The following TOX3 variants were observed in gnomAD, a reference collection of about 807,000 sequenced individuals.
TOX3 encodes the protein TOX high mobility group box family member 3.
A neutral mutation model predicts 64.3 loss-of-function variants in TOX3; 22 were observed. The observed-to-expected ratio is 0.34, with a 90% CI of 0.24 to 0.49. TOX3 has a LOEUF of 0.49. TOX3 is among the 20% of genes least tolerant of loss of function. The pLI, the probability that TOX3 is intolerant of heterozygous loss-of-function variation, is 0.99. For synonymous variants in TOX3, 291 were observed against 273.6 expected (o/e 1.06, Z -0.63); for missense variants, 661 against 714.4 (o/e 0.93, Z 0.85).
At chr16:52,541,369 C>T (rs1386284707) in intron 1 of TOX3, among the ~76,000 whole-genome samples, 1 of 152,126 alleles carries the variant, frequency 6.6e-6, no homozygotes, top group Non-Finnish European at 1.5e-5. Context: ...AATCTTCAAA[C>T]TTGAAGCCTT....
At chr16:52,500,781 T>C (rs981991348) in intron 1 of TOX3, among the ~76,000 whole-genome samples, 2 of 152,212 alleles carry the variant, frequency 1.3e-5, no homozygotes, top group Non-Finnish European at 2.9e-5. Flanking sequence ...TAAGACACCA[T>C]TGATTATAAG....
intron 1 of TOX3, among the ~76,000 whole-genome samples, chr16:52,543,705 T>C (rs1463146197): frequency 1.3e-5 from 2 of 152,206 alleles, no homozygotes; most frequent in Admixed American, 1.3e-4. Flanking sequence ...TCATGAATTA[T>C]TAACTGATTT....
intron 3 of TOX3, among the ~76,000 whole-genome samples, chr16:52,463,368 T>C (rs1050618322): frequency 5.3e-5 from 8 of 152,368 alleles, no homozygotes; most frequent in African/African-American, 1.7e-4. Context: ...CTTGGCTCTC[T>C]GGAGTGCCTT....
intron 2 of TOX3, among the ~76,000 whole-genome samples, chr16:52,467,538 C>G (rs1249252597): frequency 6.6e-6 from 1 of 152,104 alleles, no homozygotes; most frequent in African/African-American, 2.4e-5. Flanking sequence ...TTTTCATTCT[C>G]TGGGGTCAAG....
At chr16:52,471,197 T>C (rs1383404870) in intron 1 of TOX3, among the ~76,000 whole-genome samples, 2 of 152,232 alleles carry the variant, frequency 1.3e-5, no homozygotes, top group Admixed American at 6.5e-5. Context: ...CAAATTTAAC[T>C]GGGTGCTGTG....
rs116971677 is a variant in TOX3, at chr16:52,526,043, C to T, written c.87+20594G>A. ...TTTCCCACTGCCTTTGAAATATTCT[C>T]TGACATTCCCATTGGCTTAAGTATT... is the stretch of plus-strand genomic sequence containing the variant. On this transcript the variant is annotated intron_variant, in intron 1 of 6. Transcript: ENST00000219746. Among the ~76,000 whole-genome samples the T allele has an allele frequency of 2.5e-4, 38 of 152,336 alleles. No homozygotes were observed. The East Asian group carries it at 7.3e-3, about 29-fold the overall frequency.
chr16:52,531,315 T>G (rs1962847615), intron 1 of TOX3, among the ~76,000 whole-genome samples: 1 of 152,178 alleles, frequency 6.6e-6, no homozygotes, highest in South Asian at 2.1e-4. Flanking sequence ...ACCACTGCAA[T>G]GACTGTCAAT....
intron 1 of TOX3, among the ~76,000 whole-genome samples, chr16:52,522,454 G>C (rs1962631950): frequency 6.6e-6 from 1 of 152,346 alleles, no homozygotes; most frequent in East Asian, 1.9e-4. Flanking sequence ...GGCAGGCAGA[G>C]TGGAGGAGCA....
chr16:52,492,883 C>T (rs1961733558), intron 1 of TOX3, among the ~76,000 whole-genome samples: 1 of 143,942 alleles, frequency 6.9e-6, no homozygotes, highest in South Asian at 2.3e-4. Context: ...CAAGGTAGAT[C>T]AGAAAACCCA....
chr16:52,474,516 C>T (rs1961149806), intron 1 of TOX3, among the ~76,000 whole-genome samples: 1 of 151,772 alleles, frequency 6.6e-6, no homozygotes, highest in African/African-American at 2.4e-5. Flanking sequence ...ACACAGGAGG[C>T]TGAGATGGGA....
intron 1 of TOX3, chr16:52,519,265 T>C (rs1448367007): frequency 1.2e-6 from 1 of 834,580 alleles, no homozygotes; most frequent in Non-Finnish European, 1.8e-6. Context: ...AATCTACACC[T>C]CATTATTCCC....
At chr16:52,470,440 T>A (rs1447293239) in intron 1 of TOX3, among the ~76,000 whole-genome samples, 1 of 152,068 alleles carries the variant, frequency 6.6e-6, no homozygotes, top group Non-Finnish European at 1.5e-5. Flanking sequence ...CACAGAGTAT[T>A]TTTTTTAAGA....
intron 1 of TOX3, among the ~76,000 whole-genome samples, chr16:52,532,703 C>T (rs912279755): frequency 1.3e-5 from 2 of 152,154 alleles, no homozygotes; most frequent in Non-Finnish European, 2.9e-5. Context: ...GAAAAACATA[C>T]GAAGGCAAAA....
chr16:52,461,092 T>C (rs1353953715), intron 3 of TOX3, among the ~76,000 whole-genome samples: 1 of 151,336 alleles, frequency 6.6e-6, no homozygotes, highest in Non-Finnish European at 1.5e-5. Context: ...AGAGAGGTGT[T>C]AAAAAAAAAC....
At chr16:52,547,417 G>C (rs1212593530), upstream of TOX3, 1 of 148,944 alleles carries the variant, frequency 6.7e-6, no homozygotes, top group East Asian at 2.0e-4. Context: ...GCCTCGGAGC[G>C]CTCCTCTCTC....
In TOX3 at chr16:52,447,286, C is replaced by A. The variant is rs569999293; in HGVS notation, c.679-1065G>T. Among the ~76,000 whole-genome samples the A allele has an allele frequency of 8.5e-5, 13 of 152,258 alleles. No individual in the cohort carries two copies. In the South Asian group the frequency reaches 2.5e-3, roughly 29 times the overall value. ...TGACAAAATCTGTTTTCAAAGCCAGCCTTGGGCAAGATCAACCAAGATAGA... is the reference window on the plus strand; with the variant it reads ...TGACAAAATCTGTTTTCAAAGCCAGACTTGGGCAAGATCAACCAAGATAGA... On this transcript the variant is annotated intron_variant, in intron 4 of 6. Coordinates refer to ENST00000219746, the MANE Select transcript of TOX3 (RefSeq NM_001080430.4).
chr16:52,442,495 A>G (rs1216786249), intron 6 of TOX3, among the ~76,000 whole-genome samples: 1 of 152,186 alleles, frequency 6.6e-6, no homozygotes, highest in East Asian at 1.9e-4. Flanking sequence ...TTATTCTAAC[A>G]TGATGTGATT....
At chr16:52,496,360 A>G (rs1961849838) in intron 1 of TOX3, among the ~76,000 whole-genome samples, 1 of 152,232 alleles carries the variant, frequency 6.6e-6, no homozygotes, top group Admixed American at 6.5e-5. Flanking sequence ...TCCACTGAGC[A>G]CACGCAACAT....
chr16:52,495,715 T>A (rs1961832373), intron 1 of TOX3, among the ~76,000 whole-genome samples: 2 of 152,176 alleles, frequency 1.3e-5, no homozygotes, highest in South Asian at 2.1e-4. Flanking sequence ...AGAGTACAGT[T>A]AACACATATA....
Sources: allele counts gnomAD v4.1 joint callset (sites outside exome capture counted in the v4.1 genomes callset), GRCh38; gene constraint gnomAD v4.1.1; transcripts MANE v1.5; gene names NCBI Gene and HGNC (gene_info 2026-07-23, HGNC 2026-07-21).